The following STPG2 variants were observed in gnomAD, a reference collection of about 807,000 sequenced individuals.
STPG2 encodes sperm tail PG-rich repeat containing 2.
A neutral mutation model predicts 54.2 loss-of-function variants in STPG2; 56 were observed. That is an observed-to-expected ratio of 1.03 (90% CI 0.83 to 1.29). The LOEUF (loss-of-function observed/expected upper bound fraction) is 1.29, where lower values mean the gene tolerates loss of function less well. STPG2 is among the 50% of genes most tolerant of loss of function. The probability of loss-of-function intolerance (pLI) is 0.00; values close to 1 mark genes in which losing one functional copy is unlikely to be tolerated. For synonymous variants in STPG2, 200 were observed against 181.8 expected, an observed-to-expected ratio of 1.10 and a Z score of -0.81; for missense variants, 596 against 544.9, an observed-to-expected ratio of 1.09 and a Z score of -0.93.
chr4:97,894,098 G>C (rs1309757998), intron 8 of STPG2, among the ~76,000 whole-genome samples: 1 of 151,968 alleles, frequency 6.6e-6, no homozygotes, highest in Non-Finnish European at 1.5e-5. Context: ...CAGAAATCTA[G>C]ATGTATAAAA....
chr4:97,906,088 G>C (rs995755244), intron 8 of STPG2, among the ~76,000 whole-genome samples: 5 of 151,978 alleles, frequency 3.3e-5, no homozygotes, highest in Admixed American at 3.3e-4. Flanking sequence ...CTGGTTTTTT[G>C]AAAGGATCAA....
intron 4 of STPG2, among the ~76,000 whole-genome samples, chr4:97,463,296 C>A (rs946005303): frequency 6.6e-6 from 1 of 152,070 alleles, no homozygotes; most frequent in Non-Finnish European, 1.5e-5. Flanking sequence ...AATTTATGCA[C>A]ATGTTTATAT....
At chr4:97,758,393 C>A (rs1189300201) in intron 9 of STPG2, among the ~76,000 whole-genome samples, 3 of 151,874 alleles carry the variant, frequency 2.0e-5, no homozygotes, top group African/African-American at 7.3e-5. Flanking sequence ...CAATGATAGG[C>A]TGGATAAGGA....
chr4:97,610,941 T>C (rs1239064526), intron 10 of STPG2, among the ~76,000 whole-genome samples: 1 of 152,044 alleles, frequency 6.6e-6, no homozygotes, highest in East Asian at 1.9e-4. Flanking sequence ...AGAAAACACA[T>C]AGGTGAAATA....
At chr4:97,741,283 C>G (rs919206015) in intron 9 of STPG2, among the ~76,000 whole-genome samples, 3 of 152,166 alleles carry the variant, frequency 2.0e-5, no homozygotes, top group Admixed American at 2.0e-4. Flanking sequence ...TAGGCATTAT[C>G]ACTCAGGATA....
At chr4:97,971,044 A>G (rs974547578) in intron 7 of STPG2, among the ~76,000 whole-genome samples, 15 of 152,188 alleles carry the variant, frequency 9.9e-5, no homozygotes, top group Non-Finnish European at 1.5e-5. Flanking sequence ...CAGCCAACAG[A>G]CACAAAAATT....
At chr4:97,975,413 A>C (rs1379318537) in intron 6 of STPG2, among the ~76,000 whole-genome samples, 1 of 152,210 alleles carries the variant, frequency 6.6e-6, no homozygotes, top group Non-Finnish European at 1.5e-5. Context: ...TCCCTGTCAC[A>C]AAAGTTATTT....
chr4:97,864,507 C>A (rs943264083), intron 8 of STPG2, among the ~76,000 whole-genome samples: 5 of 152,074 alleles, frequency 3.3e-5, no homozygotes, highest in South Asian at 2.1e-4. Context: ...TGAAAATGGC[C>A]ATACTGCCCA....
chr4:97,479,497 A>G (rs1251462317), intron 4 of STPG2, among the ~76,000 whole-genome samples: 1 of 151,966 alleles, frequency 6.6e-6, no homozygotes, highest in Admixed American at 6.5e-5. Flanking sequence ...ATAAAGATAA[A>G]TAATTTAGTG....
At chr4:97,921,438 G>C (rs1385750028) in intron 8 of STPG2, among the ~76,000 whole-genome samples, 1 of 151,932 alleles carries the variant, frequency 6.6e-6, no homozygotes, top group Non-Finnish European at 1.5e-5. Flanking sequence ...AACAAAATTA[G>C]AAGTTCAATA....
chr4:97,597,653 T>C (rs1466042499), intron 10 of STPG2, among the ~76,000 whole-genome samples: 4 of 152,090 alleles, frequency 2.6e-5, no homozygotes, highest in Non-Finnish European at 5.9e-5. Flanking sequence ...TCTCACTAGA[T>C]GCAGAAAAGG....
At chr4:97,462,048 C>T (rs1012639972) in intron 4 of STPG2, among the ~76,000 whole-genome samples, 1 of 151,960 alleles carries the variant, frequency 6.6e-6, no homozygotes, top group Non-Finnish European at 1.5e-5. Flanking sequence ...TAGTCTCCTA[C>T]TTCTTCTTTT....
intron 10 of STPG2, among the ~76,000 whole-genome samples, chr4:97,585,218 T>C (rs935844980): frequency 8.0e-5 from 12 of 150,286 alleles, no homozygotes; most frequent in Admixed American, 5.3e-4. Context: ...TGGTTTAACA[T>C]ATGCAAGTCA....
At chr4:97,784,478 A>G (rs1040339343) in intron 9 of STPG2, among the ~76,000 whole-genome samples, 1 of 152,116 alleles carries the variant, frequency 6.6e-6, no homozygotes, top group Non-Finnish European at 1.5e-5. Context: ...GGAAAAAATC[A>G]CTAAGGGAAT....
chr4:97,859,743 T>C (rs1729455834), intron 8 of STPG2, among the ~76,000 whole-genome samples: 1 of 152,222 alleles, frequency 6.6e-6, no homozygotes, highest in Non-Finnish European at 1.5e-5. Flanking sequence ...ATTATATGTG[T>C]GATTATATGC....
At chr4:97,491,770 C>G (rs72887266) in intron 4 of STPG2, among the ~76,000 whole-genome samples, 9,911 of 151,474 alleles carry the variant, frequency 0.065, 922 homozygotes, top group African/African-American at 0.21. Context: ...TCTGTATAAT[C>G]TGAAAACAAA....
At chr4:97,614,997 C>A (rs936672241) in intron 10 of STPG2, among the ~76,000 whole-genome samples, 11 of 152,150 alleles carry the variant, frequency 7.2e-5, no homozygotes, top group Admixed American at 2.0e-4. Context: ...CAGTTTTCAA[C>A]TTCAACATAA....
chr4:98,142,399 AT>A (rs1740321124), intron 1 of STPG2, among the ~76,000 whole-genome samples: 1 of 152,180 alleles, frequency 6.6e-6, no homozygotes, highest in African/African-American at 2.4e-5. Flanking sequence ...TGATGTATTT[AT>A]TTTTGACTAA....
At chr4:97,741,160 A>G (rs1440401725) in intron 9 of STPG2, among the ~76,000 whole-genome samples, 2 of 152,198 alleles carry the variant, frequency 1.3e-5, no homozygotes, top group East Asian at 1.9e-4. Flanking sequence ...GGCTAGCCAT[A>G]TGTAGAAAGC....
Sources: allele counts gnomAD v4.1 joint callset (sites outside exome capture counted in the v4.1 genomes callset), GRCh38; gene constraint gnomAD v4.1.1; transcripts MANE v1.5; gene names NCBI Gene and HGNC (gene_info 2026-07-23, HGNC 2026-07-21).